PTGFRN: variants seen among roughly 807,000 people sequenced by gnomAD.
The protein encoded by PTGFRN is prostaglandin F2 receptor negative regulator.
A neutral mutation model predicts 83.2 loss-of-function variants in PTGFRN; 35 were observed. The observed-to-expected ratio is 0.42, with a 90% confidence interval of 0.32 to 0.56. The LOEUF is 0.56. Ranked by LOEUF, PTGFRN falls within the 20% of genes least tolerant of loss-of-function variation. PTGFRN has a pLI of 0.11. For missense variants in PTGFRN, 1,051 were observed against 1,179.5 expected (o/e 0.89, Z 1.60); for synonymous variants, 519 against 498.6 (o/e 1.04, Z -0.55).
In PTGFRN at chr1:116,961,254, C is replaced by G; in HGVS notation, c.1225C>G (p.Gln409Glu). The change falls in exon 5 of 9, where the codon CAG becomes GAG. Residue 409 changes from glutamine (Q) to glutamate (E), a missense_variant. By Grantham distance (29) the Gln-to-Glu change is conservative (BLOSUM62 2). This residue lies in a region of PTGFRN where 719 missense variants were observed against 836.6 expected (regional missense o/e 0.86). Coordinates refer to ENST00000393203, the MANE Select transcript of PTGFRN (RefSeq NM_020440.4). The surrounding 1 kb of genome is among the most constrained non-coding windows in gnomAD (Gnocchi z 5.4). Reference protein sequence around the residue: ...VGVTWLEPDYQVYLNASKVPG... With the variant: ...VGVTWLEPDYEVYLNASKVPG... ...TGTCTCTCGTTCAGAACCAGACTAC[C>G]AGGTGTACCTGAATGCTTCCAAGGT... The G allele has an allele frequency of 6.6e-7, 1 of 1,510,740 alleles. No homozygotes were observed. Among genetic ancestry groups the G allele is most frequent in the Non-Finnish European group, 8.8e-7 (1 of 1,130,900 alleles). 93.6% of individuals were successfully genotyped at this position (1,510,740 alleles called of 1,614,324 possible). A position where few individuals can be genotyped will look rare whatever the true frequency, so the allele number is the denominator to read the frequency against.
chr1:116,953,121 A>G (rs1459255603), intron 4 of PTGFRN, among the ~76,000 whole-genome samples: 1 of 152,220 alleles, frequency 6.6e-6, no homozygotes, highest in African/African-American at 2.4e-5. Context: ...GGGGTTCCAC[A>G]GGCTTTGGAT....
At chr1:116,944,361 T>A (rs1650128899) in intron 2 of PTGFRN, among the ~76,000 whole-genome samples, 1 of 152,160 alleles carries the variant, frequency 6.6e-6, no homozygotes, top group Non-Finnish European at 1.5e-5. Context: ...CATCCTCCTT[T>A]TAGGAAACTG....
Position 116,987,030 on chromosome 1 carries a change from G to C in PTGFRN, c.*63G>C. 6.3e-7 allele frequency: 1 copy of C among 1,586,594 alleles called. No homozygotes were observed. Among genetic ancestry groups the C allele is most frequent in the Non-Finnish European group, 8.6e-7 (1 of 1,161,532 alleles). The stretch of plus-strand genomic sequence containing the variant: ...GAGCAATTGGGGCAAGAAGAGGACA[G>C]TGATATTTTAAAACAAAGTGTGTTA... On this transcript the variant is annotated 3_prime_UTR_variant, in exon 9 of 9. Transcript: ENST00000393203.
chr1:116,935,169 G>C (rs1649890260), intron 1 of PTGFRN, among the ~76,000 whole-genome samples: 1 of 152,190 alleles, frequency 6.6e-6, no homozygotes, highest in Non-Finnish European at 1.5e-5. Flanking sequence ...AGTATGTCAA[G>C]CTCACTTCTC....
chr1:116,956,892 G>T (rs561083635), intron 4 of PTGFRN, among the ~76,000 whole-genome samples: 11 of 152,254 alleles, frequency 7.2e-5, no homozygotes, highest in African/African-American at 2.6e-4. Context: ...TCTGCATCAG[G>T]CCTGAGAACA....
At chr1:116,949,127 G>T in intron 3 of PTGFRN, 65 bp from the exon 4 acceptor site, 1 of 1,508,622 alleles carries the variant, frequency 6.6e-7, no homozygotes, top group South Asian at 1.3e-5. Flanking sequence ...GCTTTAAAGA[G>T]GGTGGAGAAT....
rs1183534593 is a variant in PTGFRN, at chr1:116,961,454, T to C, written c.1425T>C (p.Tyr475=). The C allele has an allele frequency of 5.0e-6, 8 of 1,614,052 alleles. No individual in the cohort carries two copies. Among genetic ancestry groups the C allele is most frequent in the East Asian group, 2.2e-5 (1 of 44,870 alleles). Residue 475 remains tyrosine (Y), a synonymous_variant, in exon 5 of 9, where the codon TAT becomes TAC. Transcript: ENST00000393203. This position sits in a 1 kb window ranked among gnomAD's most constrained non-coding sequence, Gnocchi z 5.4. ...AVMDGDWTLK[Y]GERSKQRAQD... ...TGGACGGGGACTGGACGCTAAAATA[T>C]GGAGAGAGGAGCAAGCAGCGGGCCC... is the stretch of plus-strand genomic sequence containing the variant.
chr1:116,944,521 A>G (rs111821927), intron 2 of PTGFRN, among the ~76,000 whole-genome samples, 158 bp from the exon 3 acceptor site: 2,620 of 152,298 alleles, frequency 0.017, 52 homozygotes, highest in African/African-American at 0.055. Context: ...CAGAAAGTCA[A>G]TTGAGATTAC....
In PTGFRN at chr1:116,941,808, A is replaced by T. The variant is rs916948746; in HGVS notation, c.143A>T (p.Tyr48Phe). The T allele has an allele frequency of 1.9e-6, 3 of 1,614,038 alleles. No individual in the cohort carries two copies. The highest frequency in any genetic ancestry group is 1.7e-5 in the Admixed American group (1 of 60,008). ...GTCATCCCCTGCAACGTCAGTGACT[A>T]TGATGGCCCCAGCGAGCAAAACTTT... ...ELVIPCNVSD[Y>F]DGPSEQNFDW... The change falls in exon 2 of 9, where the codon TAT becomes TTT. Residue 48 changes from tyrosine (Y) to phenylalanine (F), a missense_variant. Transcript: ENST00000393203. This position sits in a 1 kb window ranked among gnomAD's most constrained non-coding sequence, Gnocchi z 5.0.
At chr1:116,982,469 T>G (rs1235765238) in intron 7 of PTGFRN, among the ~76,000 whole-genome samples, 1 of 152,066 alleles carries the variant, frequency 6.6e-6, no homozygotes. Context: ...CATAAGTGAT[T>G]TGTGGGCCAA....
chr1:116,925,220 A>T (rs1023551393), intron 1 of PTGFRN, among the ~76,000 whole-genome samples: 1 of 151,982 alleles, frequency 6.6e-6, no homozygotes. Context: ...TTGAGGCCAG[A>T]AGTTCGAGAC....
At chr1:116,977,967 G>A (rs1651204317) in intron 7 of PTGFRN, among the ~76,000 whole-genome samples, 1 of 152,118 alleles carries the variant, frequency 6.6e-6, no homozygotes, top group Non-Finnish European at 1.5e-5. Context: ...AAAATAGATA[G>A]ACCACTAGCA....
chr1:116,977,532 A>T (rs542398656), intron 7 of PTGFRN, among the ~76,000 whole-genome samples: 9 of 152,370 alleles, frequency 5.9e-5, no homozygotes, highest in African/African-American at 2.2e-4. Context: ...CTCTCAGACC[A>T]CACTGCAATC....
rs1290060920 is a variant in PTGFRN at position 116,923,232 on chromosome 1, T to C, written c.49+12980T>C. Among the ~76,000 whole-genome samples, 1 of 152,208 alleles carries C rather than the reference T, an allele frequency of 6.6e-6. No individual in the cohort carries two copies. Among genetic ancestry groups the C allele is most frequent in the Non-Finnish European group, 1.5e-5 (1 of 68,042 alleles). On this transcript the variant is annotated intron_variant, in intron 1 of 8. Transcript: ENST00000393203. The surrounding 1 kb of genome is among the most constrained non-coding windows in gnomAD (Gnocchi z 4.0). ...ATGTATGTGCTTAGAAAAATGCCTA[T>C]AAGGTGTGTATATTATATATATTTA...
intron 1 of PTGFRN, among the ~76,000 whole-genome samples, chr1:116,913,380 G>A (rs956769030): frequency 2.6e-5 from 4 of 151,554 alleles, no homozygotes; most frequent in East Asian, 1.9e-4. Flanking sequence ...GAAATGGCAC[G>A]TAAGTTCCCT....
chr1:116,985,601 C>T (rs564050312), intron 8 of PTGFRN, among the ~76,000 whole-genome samples: 57 of 151,604 alleles, frequency 3.8e-4, no homozygotes, highest in Admixed American at 1.9e-3. Context: ...CCCAGCTACT[C>T]GGAGGCTGAA....
At chr1:116,966,093 G>A (rs1211989539) in intron 5 of PTGFRN, among the ~76,000 whole-genome samples, 3 of 152,214 alleles carry the variant, frequency 2.0e-5, no homozygotes, top group African/African-American at 4.8e-5. Flanking sequence ...TAAAAAGAAT[G>A]TATCTAATTC....
chr1:116,932,888 C>A (rs962452777), intron 1 of PTGFRN, among the ~76,000 whole-genome samples: 1 of 152,208 alleles, frequency 6.6e-6, no homozygotes, highest in African/African-American at 2.4e-5. Context: ...TTGAGTCCCT[C>A]ACGTTATAGC....
intron 2 of PTGFRN, among the ~76,000 whole-genome samples, chr1:116,943,764 G>A (rs1650115420): frequency 6.6e-6 from 1 of 152,094 alleles, no homozygotes; most frequent in African/African-American, 2.4e-5. Flanking sequence ...TAAAAATGTA[G>A]CAGCTTTTAA....
Sources: allele counts gnomAD v4.1 joint callset (sites outside exome capture counted in the v4.1 genomes callset), GRCh38; gene constraint gnomAD v4.1.1; regional missense constraint gnomAD v4.1.1; non-coding constraint Gnocchi (gnomAD v3.1); transcripts MANE v1.5; gene names NCBI Gene and HGNC (gene_info 2026-07-23, HGNC 2026-07-21).